The following PRKN variants were observed in gnomAD, a reference collection of about 807,000 sequenced individuals.
The protein encoded by PRKN is E3 ubiquitin-protein ligase parkin.
In PRKN, 56 loss-of-function variants were observed where a neutral mutation model predicts 59.5. That is an observed-to-expected ratio of 0.94 (90% confidence interval 0.76 to 1.18). PRKN has a LOEUF of 1.18. Among genes scored for constraint, PRKN ranks in the 50% most tolerant of loss-of-function variants. The probability of loss-of-function intolerance (pLI) is 0.00; values close to 1 mark genes in which losing one functional copy is unlikely to be tolerated. For missense variants in PRKN, 657 were observed against 596.4 expected (o/e 1.10, Z -1.06); for synonymous variants, 250 against 222.1 (o/e 1.13, Z -1.12).
At chr6:162,383,062 C>T (rs1313006288) in intron 2 of PRKN, among the ~76,000 whole-genome samples, 1 of 152,204 alleles carries the variant, frequency 6.6e-6, no homozygotes, top group Non-Finnish European at 1.5e-5. Flanking sequence ...TCTGCGATGA[C>T]TTCCTGTGCT....
intron 10 of PRKN, among the ~76,000 whole-genome samples, chr6:161,375,825 C>T (rs1322490520): frequency 6.6e-6 from 1 of 152,214 alleles, no homozygotes; most frequent in Non-Finnish European, 1.5e-5. Flanking sequence ...GCCCGAACGA[C>T]GCGCTGGCTT....
chr6:161,916,796 C>G (rs747598135), intron 6 of PRKN, among the ~76,000 whole-genome samples: 5 of 151,968 alleles, frequency 3.3e-5, no homozygotes, highest in Non-Finnish European at 5.9e-5. Context: ...TTTAATTTTT[C>G]TTTTTCTTTT....
At position 161,554,770 on chromosome 6, in the gene PRKN, T is replaced by G. The variant is rs1351079695; in HGVS notation, c.934-5767A>C. On this transcript the variant is annotated intron_variant, in intron 8 of 11. Coordinates refer to ENST00000366898, the MANE Select transcript of PRKN (RefSeq NM_004562.3). This position sits in a 1 kb window ranked among gnomAD's most constrained non-coding sequence, Gnocchi z 4.5. ...TATATATATACATACACACTTATAT[T>G]TATACATACTTCCCCCTTGAGTATC... Among the ~76,000 whole-genome samples the G allele has an allele frequency of 1.3e-5, 2 of 150,142 alleles. No individual in the cohort carries two copies. Among genetic ancestry groups the G allele is most frequent in the East Asian group, 3.9e-4 (2 of 5,134 alleles).
At chr6:162,584,946 G>A (rs552006580) in intron 1 of PRKN, among the ~76,000 whole-genome samples, 8 of 144,242 alleles carry the variant, frequency 5.5e-5, no homozygotes, top group Non-Finnish European at 1.1e-4. Flanking sequence ...TCACTCTGTC[G>A]CCCAGGCTGG....
At chr6:161,766,223 T>C (rs1789415612) in intron 7 of PRKN, among the ~76,000 whole-genome samples, 1 of 152,128 alleles carries the variant, frequency 6.6e-6, no homozygotes, top group Non-Finnish European at 1.5e-5. Flanking sequence ...CAGAAGCCCC[T>C]ATTTTTGCCT....
chr6:161,897,143 A>C (rs1221581354), intron 6 of PRKN, among the ~76,000 whole-genome samples: 2 of 152,248 alleles, frequency 1.3e-5, no homozygotes, highest in Non-Finnish European at 2.9e-5. Context: ...AGCTGAGCCA[A>C]CAGTGTTCAA....
At chr6:161,864,446 C>G (rs978405594) in intron 6 of PRKN, among the ~76,000 whole-genome samples, 23 of 152,142 alleles carry the variant, frequency 1.5e-4, no homozygotes, top group African/African-American at 5.3e-4. Flanking sequence ...TGCTATTTCT[C>G]TTGCTATTTC....
At chr6:161,730,276 T>G (rs1289680907) in intron 7 of PRKN, among the ~76,000 whole-genome samples, 1 of 151,064 alleles carries the variant, frequency 6.6e-6, no homozygotes, top group Non-Finnish European at 1.5e-5. Context: ...ATATGTTGCA[T>G]TCTTTCAGAT....
chr6:162,460,677 C>T (rs1791109496), intron 1 of PRKN, among the ~76,000 whole-genome samples: 4 of 152,156 alleles, frequency 2.6e-5, no homozygotes, highest in Admixed American at 2.6e-4. Context: ...GCATTCACTT[C>T]ACTTTAAATG....
intron 9 of PRKN, among the ~76,000 whole-genome samples, chr6:161,453,970 A>T (rs569273325): frequency 6.6e-6 from 1 of 152,140 alleles, no homozygotes; most frequent in Admixed American, 6.5e-5. Context: ...CTAAAAGAGC[A>T]TTACTATTCT....
At chr6:161,632,055 A>C (rs1783334036) in intron 7 of PRKN, among the ~76,000 whole-genome samples, 1 of 152,240 alleles carries the variant, frequency 6.6e-6, no homozygotes, top group Non-Finnish European at 1.5e-5. Context: ...GTGCATTAAA[A>C]TAAGCCAAAC....
At position 161,584,541 on chromosome 6, in the gene PRKN, T is replaced by C. The variant is rs80216361; in HGVS notation, c.872-15125A>G. ...AAGAAAATCTTTTAACATATCCCCC[T>C]TACACTTGCCATCCAAAGGTAAAAA... On this transcript the variant is annotated intron_variant, in intron 7 of 11. Transcript: ENST00000366898. The surrounding 1 kb of genome is among the most constrained non-coding windows in gnomAD (Gnocchi z 4.8). Among the ~76,000 whole-genome samples, 1,738 of 152,322 alleles carry C rather than the reference T, an allele frequency of 0.011. 34 individuals are homozygous for C. Among genetic ancestry groups the C allele is most frequent in the African/African-American group, 0.038 (1,596 of 41,578 alleles).
intron 2 of PRKN, 50 bp from the exon 3 acceptor site, chr6:162,262,815 A>G (rs772863236): frequency 6.3e-7 from 1 of 1,594,076 alleles, no homozygotes; most frequent in African/African-American, 1.3e-5. Flanking sequence ...GAAATGTCAA[A>G]CATGAAATGC....
intron 3 of PRKN, among the ~76,000 whole-genome samples, chr6:162,250,169 C>A (rs1395081701): frequency 7.4e-6 from 1 of 135,640 alleles, no homozygotes; most frequent in Non-Finnish European, 1.5e-5. Context: ...AAATGAAAAC[C>A]GTTTTGATTA....
chr6:162,557,774 T>C (rs945766686), intron 1 of PRKN, among the ~76,000 whole-genome samples: 2 of 152,172 alleles, frequency 1.3e-5, no homozygotes, highest in Non-Finnish European at 2.9e-5. Context: ...CCTCCCAGAG[T>C]GCTGGGATTA....
At position 161,538,543 on chromosome 6, in the gene PRKN, G is replaced by C. The variant is rs981772974; in HGVS notation, c.1083+10311C>G. On this transcript the variant is annotated intron_variant, in intron 9 of 11. Coordinates refer to ENST00000366898, the MANE Select transcript of PRKN (RefSeq NM_004562.3). This position sits in a 1 kb window ranked among gnomAD's most constrained non-coding sequence, Gnocchi z 4.2. ...GCCAGGACAGATCAGATTTGCCTAG[G>C]GGACACTTCAAGTTTCCACTTCTTG... 6.6e-6 allele frequency among the ~76,000 whole-genome samples: 1 copy of C among 151,982 alleles called. No individual in the cohort carries two copies.
At chr6:162,210,664 AATTG>A (rs1377487258) in intron 3 of PRKN, among the ~76,000 whole-genome samples, 1 of 152,140 alleles carries the variant, frequency 6.6e-6, no homozygotes, top group East Asian at 1.9e-4. Flanking sequence ...AAAGTCCCAA[AATTG>A]ATTGAAATTT....
rs924858323 is a variant in PRKN, at chr6:161,354,421, A to T, written c.1286-4210T>A. Among the ~76,000 whole-genome samples the T allele has an allele frequency of 5.3e-5, 8 of 152,204 alleles. No individual in the cohort carries two copies. Among genetic ancestry groups the T allele is most frequent in the African/African-American group, 1.7e-4 (7 of 41,458 alleles). ...GTCGACATCGTGGCTCCGGCCAGCA[A>T]TTCTTCCACTAGATTTAATGAGAGC... On this transcript the variant is annotated intron_variant, in intron 11 of 11. Transcript: ENST00000366898. This position sits in a 1 kb window ranked among gnomAD's most constrained non-coding sequence, Gnocchi z 6.7.
rs1288473533 is a variant in PRKN, at chr6:161,561,745, T to A, written c.933+7610A>T. Among the ~76,000 whole-genome samples the A allele has an allele frequency of 6.6e-6, 1 of 152,184 alleles. No homozygotes were observed. The highest frequency in any genetic ancestry group is 1.9e-4 in the East Asian group (1 of 5,194). On this transcript the variant is annotated intron_variant, in intron 8 of 11. Coordinates refer to ENST00000366898, the MANE Select transcript of PRKN (RefSeq NM_004562.3). This position sits in a 1 kb window ranked among gnomAD's most constrained non-coding sequence, Gnocchi z 5.0. Reference sequence around the variant, plus strand: ...TTACCGGTAATTCATCTCTGTGGAATCCTTCCTGTGAGTGTAAAACAAGTT... The same window carrying A: ...TTACCGGTAATTCATCTCTGTGGAAACCTTCCTGTGAGTGTAAAACAAGTT...
Sources: gnomAD v4.1 joint callset for allele counts (sites outside exome capture counted in the v4.1 genomes callset) on GRCh38, gnomAD v4.1.1 for gene constraint, Gnocchi (gnomAD v3.1) non-coding constraint, MANE v1.5 for transcripts, NCBI Gene and HGNC (gene_info 2026-07-23, HGNC 2026-07-21) for gene names.